IL13RA1: variants seen among roughly 807,000 people sequenced by gnomAD.
IL13RA1 encodes the protein interleukin-13 receptor subunit alpha-1.
In IL13RA1, 14 loss-of-function variants were observed where a neutral mutation model predicts 33.8. The ratio of observed to expected loss-of-function variants is 0.41; its 90% CI spans 0.27 to 0.65. The LOEUF is 0.65. Among genes scored for constraint, IL13RA1 ranks in the 30% least tolerant of loss-of-function variants. The pLI is 0.28. For missense variants in IL13RA1, 313 were observed against 327.0 expected (o/e 0.96, Z 0.33); for synonymous variants, 116 against 115.7 (o/e 1.00, Z -0.02).
intron 10 of IL13RA1, among the ~76,000 whole-genome samples, chrX:118,782,077 T>G (rs1022289683): frequency 1.3e-4 from 14 of 110,088 alleles, no homozygotes; most frequent in Non-Finnish European, 2.7e-4. Flanking sequence ...TTACTTTTCT[T>G]TTTTTTTTCT....
chrX:118,782,731 G>T (rs146890671), intron 10 of IL13RA1, among the ~76,000 whole-genome samples: 2,451 of 108,459 alleles, frequency 0.023, 62 homozygotes, highest in African/African-American at 0.079. Context: ...CCAAGTAGCT[G>T]GGAATACAGG....
At chrX:118,745,192 A>G (rs2017389167) in intron 2 of IL13RA1, among the ~76,000 whole-genome samples, 1 of 111,876 alleles carries the variant, frequency 8.9e-6, no homozygotes, top group African/African-American at 3.3e-5. Flanking sequence ...TGTTAGCATA[A>G]CTGGTGCATT....
intron 1 of IL13RA1, among the ~76,000 whole-genome samples, chrX:118,736,905 T>TGA (rs1467590722): frequency 8.8e-6 from 1 of 113,182 alleles, no homozygotes; most frequent in African/African-American, 3.2e-5. Flanking sequence ...ATTATAGGTG[T>TGA]GAGTCACCAT....
chrX:118,792,055 G>A lies in IL13RA1; in HGVS notation c.*201G>A, dbSNP rs1319120714. ...TGGGCGCTTTGGAGAAGAGTGTGGA[G>A]TCATTCTCATTGAATTATAAAAGCC... On this transcript the variant is annotated 3_prime_UTR_variant, in exon 11 of 11. Transcript: ENST00000371666. 3.7e-6 allele frequency: 1 copy of A among 268,438 alleles called. No homozygotes were observed. The highest frequency in any genetic ancestry group is 6.5e-6 in the Non-Finnish European group (1 of 153,993). 22.1% of individuals were successfully genotyped at this position (268,438 alleles called of 1,213,427 possible).
At chrX:118,763,668 A>G (rs930289878) in intron 6 of IL13RA1, among the ~76,000 whole-genome samples, 2 of 112,249 alleles carry the variant, frequency 1.8e-5, no homozygotes, top group African/African-American at 6.5e-5. Context: ...TAAGGCTCAG[A>G]GAGGTTAAGT....
At chrX:118,777,947 T>A (rs1409038408) in intron 10 of IL13RA1, among the ~76,000 whole-genome samples, 2 of 112,022 alleles carry the variant, frequency 1.8e-5, no homozygotes, top group Non-Finnish European at 3.8e-5. Context: ...AGTCAGATTG[T>A]CTGGATTCAT....
chrX:118,787,320 A>G (rs2017930103), intron 10 of IL13RA1, among the ~76,000 whole-genome samples: 1 of 111,396 alleles, frequency 9.0e-6, no homozygotes, highest in Non-Finnish European at 1.9e-5. Context: ...GCAAGTTTTT[A>G]TTAGCAATTT....
rs767076236 is a variant in IL13RA1 at position 118,791,235 on chromosome X, G to T, written c.1192-527G>T. On this transcript the variant is annotated intron_variant, in intron 10 of 10. Coordinates refer to ENST00000371666, the MANE Select transcript of IL13RA1 (RefSeq NM_001560.3). Reference sequence around the variant, plus strand: ...AAGTGTGCTTTATGTGTAATTTCCTGTTCTAGCAAATGATGTTAGATGAAG... The same window carrying T: ...AAGTGTGCTTTATGTGTAATTTCCTTTTCTAGCAAATGATGTTAGATGAAG... Among the ~76,000 whole-genome samples, 3 of 111,952 alleles carry T rather than the reference G, an allele frequency of 2.7e-5. No homozygotes were observed. The South Asian group carries it at 1.1e-3, about 42-fold the overall frequency.
At chrX:118,747,477 A>G (rs1282788332) in intron 3 of IL13RA1, among the ~76,000 whole-genome samples, 2 of 111,281 alleles carry the variant, frequency 1.8e-5, no homozygotes, top group African/African-American at 6.5e-5. Flanking sequence ...TGAGGAAGAA[A>G]GGAACTGCGT....
Position 118,794,337 on chromosome X carries a change from T to A in IL13RA1, c.*2483T>A, listed in dbSNP as rs1288475845. The A allele has an allele frequency of 8.9e-6, 1 of 112,383 alleles. No individual in the cohort carries two copies. Among genetic ancestry groups the A allele is most frequent in the East Asian group, 2.8e-4 (1 of 3,599 alleles). The allele number at this position is 112,383 out of a possible 1,213,427, so 9.3% of individuals were successfully genotyped here. On this transcript the variant is annotated 3_prime_UTR_variant, in exon 11 of 11. Transcript: ENST00000371666. The stretch of plus-strand genomic sequence containing the variant: ...GGTCTAGCCTATGTGGATTTTTTCC[T>A]AACATACCTAAGCAAACCCAGTGTC...
chrX:118,776,439 T>C lies in IL13RA1; in HGVS notation c.1119T>C (p.Ile373=). The change falls in exon 10 of 11, where the codon ATT becomes ATC. Residue 373 remains isoleucine (I), a synonymous_variant. Transcript: ENST00000371666. ...LLLYLKRLKI[I]IFPPIPDPGK... Reference sequence around the variant, plus strand: ...TGTTTTCTTAAAGGCTCAAGATTATTATATTCCCTCCAATTCCTGATCCTG... The same window carrying C: ...TGTTTTCTTAAAGGCTCAAGATTATCATATTCCCTCCAATTCCTGATCCTG... The C allele has an allele frequency of 1.0e-6, 1 of 962,077 alleles. No homozygotes were observed. The highest frequency in any genetic ancestry group is 1.5e-6 in the Non-Finnish European group (1 of 669,883). The allele number at this position is 962,077 out of a possible 1,213,427, so 79.3% of individuals were successfully genotyped here. A position where few individuals can be genotyped will look rare whatever the true frequency, so the allele number is the denominator to read the frequency against.
the IL13RA1 span, among the ~76,000 whole-genome samples, chrX:118,801,547 T>C: frequency 8.9e-6 from 1 of 112,477 alleles, no homozygotes; most frequent in Admixed American, 9.4e-5. Context: ...TCTCCCATGT[T>C]CCCTTTATTT....
In IL13RA1 at chrX:118,749,698, G is replaced by T. The variant is rs755308562; in HGVS notation, c.408G>T (p.Trp136Cys). ...ESAVTELQCI[W>C]HNLSYMKCSW... ...CTGTGACTGAGCTTCAATGCATTTG[G>T]CACAACCTGAGCTACATGAAGTGTT... Residue 136 changes from tryptophan (W) to cysteine (C), a missense_variant, in exon 4 of 11, where the codon TGG becomes TGT. By Grantham distance (215) the Trp-to-Cys change is radical. Coordinates refer to ENST00000371666, the MANE Select transcript of IL13RA1 (RefSeq NM_001560.3). The T allele has an allele frequency of 8.4e-7, 1 of 1,195,431 alleles. No homozygotes were observed. Among genetic ancestry groups the T allele is most frequent in the Non-Finnish European group, 1.1e-6 (1 of 880,886 alleles).
intron 4 of IL13RA1, among the ~76,000 whole-genome samples, chrX:118,750,551 G>T (rs1569455624): frequency 9.0e-6 from 1 of 111,158 alleles, no homozygotes; most frequent in East Asian, 2.8e-4. Context: ...CCAGTTTTTT[G>T]CTATTATGAA....
At position 118,747,085 on chromosome X, in the gene IL13RA1, C is replaced by T; in HGVS notation, c.360C>T (p.Pro120=). 5.2e-6 allele frequency: 6 copies of T among 1,157,791 alleles called. No homozygotes were observed. Among genetic ancestry groups the T allele is most frequent in the Non-Finnish European group, 7.1e-6 (6 of 850,294 alleles). ...TTTTGGTTGAAAAATGCATCTCACC[C>T]CCAGAAGGTAACAACTGAAAGCGCT... ...PSILVEKCIS[P]PEGDPESAVT... The change falls in exon 3 of 11, where the codon CCC becomes CCT. Residue 120 remains proline, a synonymous_variant. Coordinates refer to ENST00000371666, the MANE Select transcript of IL13RA1 (RefSeq NM_001560.3).
At chrX:118,768,562 G>T (rs1194687597) in intron 8 of IL13RA1, among the ~76,000 whole-genome samples, 1 of 112,344 alleles carries the variant, frequency 8.9e-6, no homozygotes. Context: ...CGGTACCTGT[G>T]AATGTAACCT....
intron 2 of IL13RA1, among the ~76,000 whole-genome samples, chrX:118,742,730 T>G (rs2017358203): frequency 9.0e-6 from 1 of 111,648 alleles, no homozygotes; most frequent in Non-Finnish European, 1.9e-5. Flanking sequence ...TTTTCTTGTT[T>G]ATAAAATATG....
chrX:118,795,235 AAG>A (rs1229302830), downstream of IL13RA1, among the ~76,000 whole-genome samples: 14 of 108,384 alleles, frequency 1.3e-4, no homozygotes, highest in Non-Finnish European at 2.1e-4. Context: ...AAAAAAGAAA[AAG>A]AAAAAAAAAT....
chrX:118,729,544 C>T lies in IL13RA1; in HGVS notation c.88+1818C>T, dbSNP rs1206703940. On this transcript the variant is annotated intron_variant, in intron 1 of 10. Transcript: ENST00000371666. ...GGTTGAACTGCATAAATTCTAAGAG[C>T]TCCTCCAGCTCTAATCCTCAGAGTG... is the stretch of plus-strand genomic sequence containing the variant. Among the ~76,000 whole-genome samples, 3 of 111,790 alleles carry T rather than the reference C, an allele frequency of 2.7e-5. No homozygotes were observed. The Admixed American group carries it at 2.9e-4, about 11-fold the overall frequency.
Sources: gnomAD v4.1 joint callset for allele counts (sites outside exome capture counted in the v4.1 genomes callset) on GRCh38, gnomAD v4.1.1 for gene constraint, MANE v1.5 for transcripts, NCBI Gene and HGNC (gene_info 2026-07-23, HGNC 2026-07-21) for gene names.